The following WDR25 variants were observed in gnomAD, a reference collection of about 807,000 sequenced individuals.
WDR25 encodes WD repeat-containing protein 25.
Under a neutral mutation model 47.7 loss-of-function variants are expected in WDR25, and 35 were observed. The observed-to-expected ratio is 0.73, with a 90% CI of 0.56 to 0.97. The LOEUF (loss-of-function observed/expected upper bound fraction) is 0.97. Ranked by LOEUF, WDR25 falls within the 50% of genes least tolerant of loss-of-function variation. The probability of loss-of-function intolerance (pLI) is 0.00; values close to 1 mark genes in which losing one functional copy is unlikely to be tolerated. For synonymous variants in WDR25, 248 were observed against 278.9 expected (o/e 0.89, Z 1.10); for missense variants, 634 against 704.7 (o/e 0.90, Z 1.14).
chr14:100,383,617 C>T (rs1896955066), intron 2 of WDR25, among the ~76,000 whole-genome samples: 2 of 152,252 alleles, frequency 1.3e-5, no homozygotes, highest in African/African-American at 4.8e-5. Flanking sequence ...GAAGTGCTCC[C>T]TGGGCCCTGC....
chr14:100,511,977 C>T (rs1192194489), intron 4 of WDR25, among the ~76,000 whole-genome samples: 1 of 152,020 alleles, frequency 6.6e-6, no homozygotes, highest in Non-Finnish European at 1.5e-5. Context: ...ATATTATTCC[C>T]TTTGTATAAT....
At position 100,530,102 on chromosome 14, in the gene WDR25, G is replaced by T. The variant is rs2030418943; in HGVS notation, c.*61G>T. On this transcript the variant is annotated 3_prime_UTR_variant, in exon 7 of 7. Coordinates refer to ENST00000402312, the MANE Select transcript of WDR25 (RefSeq NM_001161476.3). ...GCTCTTGGACTCCCCTCTTCCTCAA[G>T]GGTAGATGAGAGGAACGAGCACAGA... The T allele has an allele frequency of 2.0e-6, 3 of 1,525,970 alleles. No individual in the cohort carries two copies. In the Admixed American group the frequency reaches 5.4e-5, roughly 28 times the overall value. 94.5% of individuals were successfully genotyped at this position (1,525,970 alleles called of 1,614,324 possible). A position where few individuals can be genotyped will look rare whatever the true frequency, so the allele number is the denominator to read the frequency against.
chr14:100,416,727 G>A (rs759915447), intron 2 of WDR25, among the ~76,000 whole-genome samples: 1 of 152,136 alleles, frequency 6.6e-6, no homozygotes, highest in South Asian at 2.1e-4. Context: ...GCTGTGCCCC[G>A]GCAGTGTTCT....
At chr14:100,442,998 C>T (rs1898714776) in intron 2 of WDR25, among the ~76,000 whole-genome samples, 1 of 152,262 alleles carries the variant, frequency 6.6e-6, no homozygotes, top group Non-Finnish European at 1.5e-5. Flanking sequence ...GTTCCCCACC[C>T]AGACCTACCG....
chr14:100,508,049 G>GCATC, intron 4 of WDR25, among the ~76,000 whole-genome samples: 1 of 152,060 alleles, frequency 6.6e-6, no homozygotes, highest in Non-Finnish European at 1.5e-5. Context: ...ACCAAATCCA[G>GCATC]CAGCACATCA....
Position 100,430,151 on chromosome 14 carries a change from G to GGT in WDR25, c.823-37837_823-37836dup, listed in dbSNP as rs59318813. Among the ~76,000 whole-genome samples the GGT allele has an allele frequency of 0.37, 54,856 of 146,702 alleles. 11,281 individuals are homozygous for GGT. Among genetic ancestry groups the GGT allele is most frequent in the South Asian group, 0.59 (2,594 of 4,404 alleles). On this transcript the variant is annotated intron_variant, in intron 2 of 6. Coordinates refer to ENST00000402312, the MANE Select transcript of WDR25 (RefSeq NM_001161476.3). This position sits in a 1 kb window ranked among gnomAD's most constrained non-coding sequence, Gnocchi z 4.7. ...CAAATCTTGCAGACCAAGGGGGCCT[G>GGT]GTGTGTGTGTGTGTGTGTGTGTGTG...
chr14:100,417,981 G>A (rs1255145706), intron 2 of WDR25, among the ~76,000 whole-genome samples: 5 of 149,956 alleles, frequency 3.3e-5, no homozygotes, highest in South Asian at 2.1e-4. Flanking sequence ...TCGCTCTGTC[G>A]CCCAGGCTGG....
chr14:100,517,115 T>G (rs1292725255), intron 4 of WDR25, among the ~76,000 whole-genome samples: 1 of 143,522 alleles, frequency 7.0e-6, no homozygotes, highest in Non-Finnish European at 1.5e-5. Flanking sequence ...TGTTTTTTTT[T>G]TTTTTTTTTT....
At chr14:100,497,488 AAAAC>A (rs750686994) in intron 4 of WDR25, among the ~76,000 whole-genome samples, 36 of 152,344 alleles carry the variant, frequency 2.4e-4, no homozygotes, top group African/African-American at 6.5e-4. Context: ...AACAAAAACA[AAAAC>A]AAACAAACAA....
intron 4 of WDR25, among the ~76,000 whole-genome samples, chr14:100,522,647 G>A (rs964992299): frequency 6.6e-6 from 1 of 152,212 alleles, no homozygotes; most frequent in Admixed American, 6.5e-5. Flanking sequence ...ATTTAGCTGG[G>A]CACAGCACCC....
intron 2 of WDR25, among the ~76,000 whole-genome samples, chr14:100,454,143 A>G (rs1009220711): frequency 6.6e-6 from 1 of 152,210 alleles, no homozygotes; most frequent in African/African-American, 2.4e-5. Context: ...TTAGAGATGC[A>G]AATGAAATTG....
Position 100,529,657 on chromosome 14 carries a change from C to T in WDR25, c.1414-163C>T. The T allele has an allele frequency of 2.6e-6, 2 of 772,022 alleles. No individual in the cohort carries two copies. Among genetic ancestry groups the T allele is most frequent in the East Asian group, 2.7e-5 (1 of 37,012 alleles). The allele number at this position is 772,022 out of a possible 1,614,324, so 47.8% of individuals were successfully genotyped here. A position where few individuals can be genotyped will look rare whatever the true frequency, so the allele number is the denominator to read the frequency against. ...GATGTGGGCCCGCATCAGGGCTCTA[C>T]AGCCTCATGGGCGGGACCTGGGCTT... On this transcript the variant is annotated intron_variant, in intron 6 of 6. Coordinates refer to ENST00000402312, the MANE Select transcript of WDR25 (RefSeq NM_001161476.3). This position sits in a 1 kb window ranked among gnomAD's most constrained non-coding sequence, Gnocchi z 5.1.
intron 3 of WDR25, among the ~76,000 whole-genome samples, chr14:100,469,014 C>T (rs907920055): frequency 1.3e-5 from 2 of 152,144 alleles, no homozygotes; most frequent in Non-Finnish European, 2.9e-5. Context: ...CACCACACTA[C>T]CTCCTCCCCA....
chr14:100,467,750 T>G (rs1211384946), intron 2 of WDR25, among the ~76,000 whole-genome samples: 1 of 152,114 alleles, frequency 6.6e-6, no homozygotes, highest in Non-Finnish European at 1.5e-5. Context: ...CCTCCCAAAG[T>G]GCTGGGACTA....
chr14:100,499,817 C>T lies in WDR25; in HGVS notation c.1101+15693C>T, dbSNP rs989900765. Reference sequence around the variant, plus strand: ...AGTTCGCTGTGTTCTGCTTTGCTCCCAGTCCTTGCTAATCAGCCCAGCCAA... The same window carrying T: ...AGTTCGCTGTGTTCTGCTTTGCTCCTAGTCCTTGCTAATCAGCCCAGCCAA... On this transcript the variant is annotated intron_variant, in intron 4 of 6. Transcript: ENST00000402312. This position sits in a 1 kb window ranked among gnomAD's most constrained non-coding sequence, Gnocchi z 4.4. Among the ~76,000 whole-genome samples, 1 of 152,130 alleles carries T rather than the reference C, an allele frequency of 6.6e-6. No homozygotes were observed. The highest frequency in any genetic ancestry group is 1.5e-5 in the Non-Finnish European group (1 of 68,024).
At chr14:100,390,411 G>GTGTGTGTGTGTA (rs1458801914) in intron 2 of WDR25, among the ~76,000 whole-genome samples, 14 of 152,034 alleles carry the variant, frequency 9.2e-5, no homozygotes, top group Non-Finnish European at 4.4e-5. Flanking sequence ...GTGTGTGTGT[G>GTGTGTGTGTGTA]TGTGTGTGTG....
At chr14:100,515,125 T>A (rs1901448732) in intron 4 of WDR25, among the ~76,000 whole-genome samples, 1 of 152,220 alleles carries the variant, frequency 6.6e-6, no homozygotes, top group South Asian at 2.1e-4. Context: ...TGTCTGCTTT[T>A]TAAGATTTTT....
rs1490089122 is a variant in WDR25 at position 100,407,583 on chromosome 14, G to GA, written c.822+25838dup. ...CGGTGCGTTTCCAGGGGAGCTGCTG[G>GA]AGGCTTCTTATGGCATGCAGATCAA... On this transcript the variant is annotated intron_variant, in intron 2 of 6. Transcript: ENST00000402312. This position sits in a 1 kb window ranked among gnomAD's most constrained non-coding sequence, Gnocchi z 4.1. 6.6e-6 allele frequency: 1 copy of GA among 152,290 alleles called. No individual in the cohort carries two copies. The highest frequency in any genetic ancestry group is 1.9e-4 in the East Asian group (1 of 5,200). 9.4% of individuals were successfully genotyped at this position (152,290 alleles called of 1,614,324 possible). A position where few individuals can be genotyped will look rare whatever the true frequency, so the allele number is the denominator to read the frequency against.
chr14:100,429,132 G>A (rs879357017), intron 2 of WDR25, among the ~76,000 whole-genome samples: 14 of 152,200 alleles, frequency 9.2e-5, no homozygotes, highest in Admixed American at 7.9e-4. Flanking sequence ...CTAGGCTGCA[G>A]AACAGGACCT....
Sources: gnomAD v4.1 joint callset for allele counts (sites outside exome capture counted in the v4.1 genomes callset) on GRCh38, gnomAD v4.1.1 for gene constraint, Gnocchi (gnomAD v3.1) non-coding constraint, MANE v1.5 for transcripts, NCBI Gene and HGNC (gene_info 2026-07-23, HGNC 2026-07-21) for gene names.